RNF10: variants seen among roughly 807,000 people sequenced by gnomAD.
RNF10 encodes the protein ring finger protein 10.
RNF10 carries 38 observed loss-of-function variants against 91.4 expected under a neutral mutation model. The observed-to-expected ratio is 0.42, with a 90% confidence interval of 0.32 to 0.54. The LOEUF is 0.54. Ranked by LOEUF, RNF10 falls within the 20% of genes least tolerant of loss-of-function variation. RNF10 has a pLI of 0.16. For missense variants in RNF10, 945 were observed against 1,012.0 expected (o/e 0.93, Z 0.90); for synonymous variants, 364 against 366.3 (o/e 0.99, Z 0.07).
chr12:120,544,822 A>G (rs1391777212), intron 1 of RNF10, among the ~76,000 whole-genome samples: 2 of 152,210 alleles, frequency 1.3e-5, no homozygotes, highest in Non-Finnish European at 2.9e-5. Context: ...GCCTCTGTGT[A>G]AAGAGACTCC....
chr12:120,570,480 C>T (rs992578313), intron 13 of RNF10, among the ~76,000 whole-genome samples: 9 of 152,130 alleles, frequency 5.9e-5, no homozygotes, highest in Non-Finnish European at 7.4e-5. Context: ...CCACCGCACC[C>T]GGCTTTTCTG....
At position 120,546,447 on chromosome 12, in the gene RNF10, G is replaced by A. The variant is rs140614674; in HGVS notation, c.200G>A (p.Arg67His). The A allele has an allele frequency of 7.6e-5, 123 of 1,613,788 alleles. No individual in the cohort carries two copies. The highest frequency in any genetic ancestry group is 9.3e-5 in the Non-Finnish European group (110 of 1,179,932). The change falls in exon 2 of 17, where the codon CGT becomes CAT. Residue 67 changes from arginine (R) to histidine (H), a missense_variant. By Grantham distance (29) the Arg-to-His change is conservative. Transcript: ENST00000325954. The stretch of plus-strand genomic sequence containing the variant: ...GGATCCAAGCGTTATAATCGCAAAC[G>A]TGAACTTTCCTACCCCAAAAATGAA... ...SSGSKRYNRKRELSYPKNESF... is the reference protein window; with the variant it reads ...SSGSKRYNRKHELSYPKNESF...
rs962964975 is a variant in RNF10 at position 120,559,064 on chromosome 12, TA to T, written c.967+1383del. 3.0e-3 allele frequency among the ~76,000 whole-genome samples: 158 copies of T among 52,774 alleles called. 1 individual carries two copies. The highest frequency in any genetic ancestry group is 6.1e-3 in the East Asian group (9 of 1,464). 34.6% of individuals were successfully genotyped at this position (52,774 alleles called of 152,430 possible). A position where few individuals can be genotyped will look rare whatever the true frequency, so the allele number is the denominator to read the frequency against. On this transcript the variant is annotated intron_variant, in intron 6 of 16. Coordinates refer to ENST00000325954, the MANE Select transcript of RNF10 (RefSeq NM_014868.5). Reference sequence around the variant, plus strand: ...ATTAAATTAACTTTTAATTTTAAATTATTTTTTTTATTTTAAAAAATTAACT... The same window carrying T: ...ATTAAATTAACTTTTAATTTTAAATTTTTTTTTTATTTTAAAAAATTAACT...
Position 120,552,653 on chromosome 12 carries a change from A to G in RNF10, c.509A>G (p.Lys170Arg). The change falls in exon 3 of 17, where the codon AAG (lysine) becomes AGG (arginine). Residue 170 changes from lysine to arginine, a missense_variant. By Grantham distance (26) the Lys-to-Arg change is conservative (BLOSUM62 2). Transcript: ENST00000325954. ...CATGGTAGCTGGGGAAAGAGGAACA[A>G]GTGGGGACATAAGCCTTTTAACAAG... Reference protein sequence around the residue: ...SGHGSWGKRNKWGHKPFNKEL... With the variant: ...SGHGSWGKRNRWGHKPFNKEL... 6.2e-7 allele frequency: 1 copy of G among 1,614,142 alleles called. No homozygotes were observed.
At chr12:120,572,793 G>T (rs1190269412) in intron 14 of RNF10, among the ~76,000 whole-genome samples, 1 of 151,206 alleles carries the variant, frequency 6.6e-6, no homozygotes, top group African/African-American at 2.4e-5. Context: ...TAGAGACAGG[G>T]TTTTACCATG....
chr12:120,571,286 G>C lies in RNF10; in HGVS notation c.2137G>C (p.Ala713Pro). 2 of 1,611,366 alleles carry C rather than the reference G, an allele frequency of 1.2e-6. No individual in the cohort carries two copies. Among genetic ancestry groups the C allele is most frequent in the Non-Finnish European group, 1.7e-6 (2 of 1,177,612 alleles). ...AGAAGACTCTCCCTTCCCTTCCTTT[G>C]CCCAGGTAAATCCTTTGCTTGTGAA... ...LEEDSPFPSF[A>P]QMLRVGKAKA... Residue 713 changes from alanine to proline, a missense_variant, in exon 14 of 17, where the codon GCC (alanine) becomes CCC (proline). Physicochemically the swap from Ala to Pro is conservative, Grantham distance 27. Transcript: ENST00000325954.
chr12:120,535,030 GCT>G, intron 1 of RNF10, 62 bp downstream of exon 1: 1 of 1,481,148 alleles, frequency 6.8e-7, no homozygotes, highest in South Asian at 1.3e-5. Flanking sequence ...GAGAGTCGTT[GCT>G]CTCATCGGCT....
rs370502396 is a variant in RNF10, at chr12:120,552,889, C to T, written c.554+191C>T. ...ACTTTCCAGGTGGATGTTTTTGGTA[C>T]TTAATATAATGCTTAAATAACTTAG... On this transcript the variant is annotated intron_variant, in intron 3 of 16. Coordinates refer to ENST00000325954, the MANE Select transcript of RNF10 (RefSeq NM_014868.5). Among the ~76,000 whole-genome samples, 32 of 152,118 alleles carry T rather than the reference C, an allele frequency of 2.1e-4. 1 individual carries two copies. The South Asian group carries it at 6.4e-3, about 31-fold the overall frequency.
At chr12:120,548,755 T>A (rs1872654653) in intron 2 of RNF10, among the ~76,000 whole-genome samples, 1 of 149,942 alleles carries the variant, frequency 6.7e-6, no homozygotes. Context: ...CGCTCTTGGG[T>A]TCACGCCATT....
intron 14 of RNF10, among the ~76,000 whole-genome samples, chr12:120,573,851 A>G (rs1877014059): frequency 6.6e-6 from 1 of 152,190 alleles, no homozygotes; most frequent in African/African-American, 2.4e-5. Context: ...CAGCTACTTC[A>G]GATCCCTTCT....
chr12:120,544,383 A>AGT (rs1872004698), intron 1 of RNF10, among the ~76,000 whole-genome samples: 1 of 145,802 alleles, frequency 6.9e-6, no homozygotes, highest in Non-Finnish European at 1.5e-5. Context: ...ATTGGCTGGG[A>AGT]GTGTTGGCTC....
At chr12:120,575,972 C>T (rs1272562722) in intron 16 of RNF10, 22 bp downstream of exon 16, 10 of 1,612,218 alleles carry the variant, frequency 6.2e-6, no homozygotes, top group Non-Finnish European at 7.6e-6. Context: ...GGCTGGAGTG[C>T]CCAGGGTTGT....
At chr12:120,548,738 C>T (rs911665553) in intron 2 of RNF10, among the ~76,000 whole-genome samples, 7 of 150,488 alleles carry the variant, frequency 4.7e-5, no homozygotes, top group African/African-American at 1.7e-4. Flanking sequence ...CGGCTCACTG[C>T]AACCTCCGCT....
intron 14 of RNF10, among the ~76,000 whole-genome samples, chr12:120,573,867 A>G (rs945189538): frequency 6.6e-6 from 1 of 152,208 alleles, no homozygotes; most frequent in African/African-American, 2.4e-5. Context: ...CTTCTGTGGT[A>G]AGGGCAGAGG....
intron 1 of RNF10, among the ~76,000 whole-genome samples, chr12:120,545,719 A>G (rs551792192): frequency 2.2e-4 from 34 of 152,040 alleles, no homozygotes; most frequent in African/African-American, 7.0e-4. Flanking sequence ...TTGTATTTTT[A>G]ATAGACATGG....
Position 120,562,999 on chromosome 12 carries a change from G to A in RNF10, c.1183G>A (p.Val395Ile), listed in dbSNP as rs368896123. Residue 395 changes from valine (V) to isoleucine (I), a missense_variant, in exon 8 of 17, where the codon GTT becomes ATT. Physicochemically the swap from Val to Ile is conservative, Grantham distance 29 (BLOSUM62 3). Coordinates refer to ENST00000325954, the MANE Select transcript of RNF10 (RefSeq NM_014868.5). Reference protein sequence around the residue: ...LAGSRREVTGVVAALEQLVLM... With the variant: ...LAGSRREVTGIVAALEQLVLM... Reference sequence around the variant, plus strand: ...CGGAAGCAGAAGGGAGGTCACTGGTGTTGTGGCTGCTCTGGAACAACTGGT... The same window carrying A: ...CGGAAGCAGAAGGGAGGTCACTGGTATTGTGGCTGCTCTGGAACAACTGGT... 1.9e-6 allele frequency: 3 copies of A among 1,614,062 alleles called. No homozygotes were observed. In the African/African-American group the frequency reaches 4.0e-5, roughly 22 times the overall value.
rs565553217 is a variant in RNF10, at chr12:120,574,290, C to A, written c.2143-1341C>A. Among the ~76,000 whole-genome samples the A allele has an allele frequency of 2.0e-5, 3 of 152,366 alleles. No individual in the cohort carries two copies. The South Asian group carries it at 6.2e-4, about 32-fold the overall frequency. ...TAAGGACAAGGCATCCCTGCTTGAA[C>A]CCCATGGGGTTTGTCTCTTGATATT... On this transcript the variant is annotated intron_variant, in intron 14 of 16. Coordinates refer to ENST00000325954, the MANE Select transcript of RNF10 (RefSeq NM_014868.5).
chr12:120,571,047 G>C (rs771180742), intron 13 of RNF10, 144 bp from the exon 14 acceptor site: 78 of 605,330 alleles, frequency 1.3e-4, no homozygotes, highest in Non-Finnish European at 2.2e-4. Context: ...TGGAAGAGTT[G>C]AAAGTTGGAT....
intron 11 of RNF10, 37 bp from the exon 12 acceptor site, chr12:120,565,391 C>G: frequency 6.3e-7 from 1 of 1,588,290 alleles, no homozygotes; most frequent in Non-Finnish European, 8.6e-7. Flanking sequence ...ACCATGTTGT[C>G]CTGGGTCTAC....
Sources: allele counts gnomAD v4.1 joint callset (sites outside exome capture counted in the v4.1 genomes callset), GRCh38; gene constraint gnomAD v4.1.1; transcripts MANE v1.5; gene names NCBI Gene and HGNC (gene_info 2026-07-23, HGNC 2026-07-21).